FIG4: variants seen among roughly 807,000 people sequenced by gnomAD.
FIG4 encodes FIG4 phosphoinositide 5-phosphatase, also known as polyphosphoinositide phosphatase.
FIG4 carries 112 observed loss-of-function variants against 118.6 expected under a neutral mutation model. That is an observed-to-expected ratio of 0.94 (90% confidence interval 0.81 to 1.11). The LOEUF (loss-of-function observed/expected upper bound fraction) is 1.11. Among genes scored for constraint, FIG4 ranks in the 50% least tolerant of loss-of-function variants. The pLI, the probability that FIG4 is intolerant of heterozygous loss-of-function variation, is 0.00. For synonymous variants in FIG4, 369 were observed against 381.2 expected (o/e 0.97, Z 0.37); for missense variants, 969 against 1,111.7 (o/e 0.87, Z 1.83).
chr6:109,790,914 A>G (rs902872451), intron 19 of FIG4, among the ~76,000 whole-genome samples: 5 of 152,210 alleles, frequency 3.3e-5, no homozygotes, highest in African/African-American at 7.2e-5. Context: ...TCAGTTGTTC[A>G]TTATTTGGAT....
chr6:109,755,395 G>GA (rs1424725904), intron 10 of FIG4, among the ~76,000 whole-genome samples: 4 of 152,136 alleles, frequency 2.6e-5, no homozygotes, highest in Non-Finnish European at 5.9e-5. Flanking sequence ...GTGTGGTGCT[G>GA]AAAAAAATGT....
chr6:109,823,347 TC>T (rs1188774267), intron 22 of FIG4, among the ~76,000 whole-genome samples: 3 of 152,178 alleles, frequency 2.0e-5, no homozygotes, highest in African/African-American at 7.2e-5. Context: ...TTATTGCTGA[TC>T]CTTTGAAGGG....
chr6:109,762,262 ATTCTAAATACAGCAG>A lies in FIG4; in HGVS notation c.1388+58_1388+72del, dbSNP rs1465718878. On this transcript the variant is annotated intron_variant, in intron 12 of 22. Transcript: ENST00000230124. ...AATGATGATTTTTGCTCTTATGGGT[ATTCTAAATACAGCAG>A]TTTGTACTACTTGGAAATTGGATGA... The A allele has an allele frequency of 6.6e-5, 71 of 1,072,950 alleles. No homozygotes were observed. The African/African-American group carries it at 9.8e-4, about 15-fold the overall frequency. The allele number at this position is 1,072,950 out of a possible 1,614,324, so 66.5% of individuals were successfully genotyped here. A position where few individuals can be genotyped will look rare whatever the true frequency, so the allele number is the denominator to read the frequency against.
chr6:109,738,947 AG>A (rs1378782666), intron 7 of FIG4, among the ~76,000 whole-genome samples: 2 of 152,140 alleles, frequency 1.3e-5, no homozygotes, highest in Non-Finnish European at 2.9e-5. Flanking sequence ...TATAGTGGGA[AG>A]GAGATTGGTA....
chr6:109,699,125 A>T (rs904447784), intron 1 of FIG4, among the ~76,000 whole-genome samples: 3 of 152,234 alleles, frequency 2.0e-5, no homozygotes, highest in Non-Finnish European at 4.4e-5. Context: ...AATTTTGATA[A>T]TGATATCAAT....
intron 1 of FIG4, among the ~76,000 whole-genome samples, chr6:109,707,211 AAC>A (rs1192388869): frequency 2.6e-5 from 4 of 151,760 alleles, no homozygotes; most frequent in African/African-American, 9.7e-5. Context: ...CATCATTTTT[AAC>A]AGATTGTTTT....
intron 22 of FIG4, among the ~76,000 whole-genome samples, chr6:109,807,661 T>G (rs1778603680): frequency 6.6e-6 from 1 of 152,202 alleles, no homozygotes; most frequent in Non-Finnish European, 1.5e-5. Context: ...CTTTTAGTGT[T>G]TTAGTCCTGA....
chr6:109,691,470 T>C lies in FIG4; in HGVS notation c.35T>C (p.Val12Ala). The C allele has an allele frequency of 6.3e-7, 1 of 1,586,896 alleles. No individual in the cohort carries two copies. Among genetic ancestry groups the C allele is most frequent in the Admixed American group, 1.8e-5 (1 of 56,478 alleles). The part of the protein sequence containing the change: ...PTAAAPIISS[V>A]QKLVLYETRA... ...GCCGCCGCCCCCATCATCAGCTCGG[T>C]CCAGAAGCTGGTTCTGTATGAGACT... The change falls in exon 1 of 23, where the codon GTC becomes GCC. Residue 12 changes from valine to alanine, a missense_variant. Transcript: ENST00000230124.
At chr6:109,816,049 T>C (rs1778854179) in intron 22 of FIG4, among the ~76,000 whole-genome samples, 1 of 152,166 alleles carries the variant, frequency 6.6e-6, no homozygotes, top group Non-Finnish European at 1.5e-5. Context: ...CAAGGCCCCA[T>C]TGCTAGAGAT....
intron 22 of FIG4, among the ~76,000 whole-genome samples, chr6:109,818,638 T>C (rs1778926136): frequency 1.3e-5 from 2 of 152,136 alleles, no homozygotes; most frequent in Non-Finnish European, 2.9e-5. Flanking sequence ...TATATGAGGG[T>C]TGGTGCTATC....
Position 109,735,251 on chromosome 6 carries a change from G to C in FIG4, c.599G>C (p.Ser200Thr), listed in dbSNP as rs771826671. 3 of 1,613,642 alleles carry C rather than the reference G, an allele frequency of 1.9e-6. No homozygotes were observed. The Admixed American group carries it at 5.0e-5, about 27-fold the overall frequency. Residue 200 changes from serine (S) to threonine (T), a missense_variant, in exon 6 of 23, where the codon AGC becomes ACC. Coordinates refer to ENST00000230124, the MANE Select transcript of FIG4 (RefSeq NM_014845.6). ...GAAATGACCCAGAATCGCCAAGAGA[G>C]CTTTGACATCTTTGAAGATGAAGGA... ...KSEMTQNRQE[S>T]FDIFEDEGLI...
At chr6:109,751,119 A>C (rs1776681962) in intron 10 of FIG4, among the ~76,000 whole-genome samples, 2 of 152,188 alleles carry the variant, frequency 1.3e-5, no homozygotes, top group South Asian at 4.1e-4. Flanking sequence ...TGAAAACAGC[A>C]CAATCTAATT....
rs1406213877 is a variant in FIG4 at position 109,792,648 on chromosome 6, T to C, written c.2443T>C (p.Phe815Leu). The C allele has an allele frequency of 2.5e-6, 4 of 1,584,104 alleles. No homozygotes were observed. In the Middle Eastern group the frequency reaches 5.0e-4, roughly 197 times the overall value. The change falls in exon 21 of 23, where the codon TTC (phenylalanine) becomes CTC (leucine). Residue 815 changes from phenylalanine to leucine, a missense_variant. Coordinates refer to ENST00000230124, the MANE Select transcript of FIG4 (RefSeq NM_014845.6). ...CTCAGATGGCCTCTCAGAAGAAGAT[T>C]TCTCCATTTATTCAAGGTGAGATAC... ...NLSDGLSEED[F>L]SIYSRFVQLG...
At chr6:109,814,860 A>G (rs1778817186) in intron 22 of FIG4, among the ~76,000 whole-genome samples, 1 of 152,170 alleles carries the variant, frequency 6.6e-6, no homozygotes, top group African/African-American at 2.4e-5. Flanking sequence ...GGAAAATGAC[A>G]TTAAAGCCAA....
Position 109,795,095 on chromosome 6 carries a change from G to GTTTT in FIG4, c.2460-1633_2460-1630dup, listed in dbSNP as rs571649446. 6.1e-3 allele frequency among the ~76,000 whole-genome samples: 350 copies of GTTTT among 57,246 alleles called. 123 individuals are homozygous for GTTTT. The highest frequency in any genetic ancestry group is 0.01 in the Non-Finnish European group (298 of 28,704). The allele number at this position is 57,246 out of a possible 152,430, so 37.6% of individuals were successfully genotyped here. On this transcript the variant is annotated intron_variant, in intron 21 of 22. Transcript: ENST00000230124. ...TCCTCAAAGCTTCATACACTTGCCAGTTTTTTTTTTTTTTTTTTTTTTTTT... is the reference window on the plus strand; with the variant it reads ...TCCTCAAAGCTTCATACACTTGCCAGTTTTTTTTTTTTTTTTTTTTTTTTTTTTT...
intron 15 of FIG4, among the ~76,000 whole-genome samples, chr6:109,769,359 T>C (rs1251682800): frequency 6.6e-6 from 1 of 152,030 alleles, no homozygotes; most frequent in African/African-American, 2.4e-5. Context: ...AATGGAAAGG[T>C]AAGGCAAAAT....
intron 15 of FIG4, among the ~76,000 whole-genome samples, chr6:109,776,228 C>T (rs1024825986): frequency 9.9e-5 from 15 of 152,200 alleles, no homozygotes; most frequent in African/African-American, 3.6e-4. Flanking sequence ...GTAAAACATA[C>T]ACAGAGTCAG....
intron 21 of FIG4, among the ~76,000 whole-genome samples, chr6:109,793,815 A>G (rs990079003): frequency 1.3e-5 from 2 of 152,238 alleles, no homozygotes; most frequent in Admixed American, 1.3e-4. Flanking sequence ...CTGACTGCCA[A>G]AGCAGCTCCT....
Position 109,721,071 on chromosome 6 carries a change from C to T in FIG4, c.289+4503C>T, listed in dbSNP as rs528096317. 3.3e-5 allele frequency among the ~76,000 whole-genome samples: 5 copies of T among 152,242 alleles called. No individual in the cohort carries two copies. The East Asian group carries it at 5.8e-4, about 18-fold the overall frequency. ...TTTTCTGCCACTGTCGTCTGTCAGA[C>T]GACACTCTTCTAAGCCTCTAGTATG... On this transcript the variant is annotated intron_variant, in intron 3 of 22. Coordinates refer to ENST00000230124, the MANE Select transcript of FIG4 (RefSeq NM_014845.6).
Sources: gnomAD v4.1 joint callset for allele counts (sites outside exome capture counted in the v4.1 genomes callset) on GRCh38, gnomAD v4.1.1 for gene constraint, MANE v1.5 for transcripts, NCBI Gene and HGNC (gene_info 2026-07-23, HGNC 2026-07-21) for gene names.